Variants in CDC42BPA observed in about 807,000 individuals in gnomAD.
The protein encoded by CDC42BPA is CDC42 binding protein kinase alpha.
In CDC42BPA, 80 loss-of-function variants were observed where a neutral mutation model predicts 223.5. The ratio of observed to expected loss-of-function variants is 0.36; its 90% confidence interval spans 0.30 to 0.43. CDC42BPA has a LOEUF of 0.43. Among genes scored for constraint, CDC42BPA ranks in the 20% least tolerant of loss-of-function variants. CDC42BPA has a pLI of 1.00. For missense variants in CDC42BPA, 1,743 were observed against 2,099.9 expected (o/e 0.83, Z 3.32); for synonymous variants, 694 against 718.6 (o/e 0.97, Z 0.55).
intron 1 of CDC42BPA, among the ~76,000 whole-genome samples, chr1:227,267,437 A>G (rs74481035): frequency 0.026 from 4,009 of 152,254 alleles, 196 homozygotes; most frequent in African/African-American, 0.092. Context: ...TAAGCATTTA[A>G]AAAATGTACA....
intron 11 of CDC42BPA, among the ~76,000 whole-genome samples, chr1:227,126,500 GAA>G (rs1689645570): frequency 8.4e-6 from 1 of 119,000 alleles, no homozygotes; most frequent in Non-Finnish European, 1.9e-5. Context: ...AGGAAGGAAG[GAA>G]GGAAGGAAGG....
At chr1:227,237,037 G>A (rs1171979370) in intron 2 of CDC42BPA, among the ~76,000 whole-genome samples, 1 of 115,358 alleles carries the variant, frequency 8.7e-6, no homozygotes, top group African/African-American at 3.6e-5. Flanking sequence ...AATGAGACCC[G>A]GTCTCCACAA....
rs1160214591 is a variant in CDC42BPA, at chr1:226,993,352, A to T, written c.*916T>A. 2.0e-5 allele frequency: 3 copies of T among 152,240 alleles called. No individual in the cohort carries two copies. Among genetic ancestry groups the T allele is most frequent in the African/African-American group, 7.2e-5 (3 of 41,456 alleles). The allele number at this position is 152,240 out of a possible 1,614,324, so 9.4% of individuals were successfully genotyped here. A position where few individuals can be genotyped will look rare whatever the true frequency, so the allele number is the denominator to read the frequency against. ...TGAGAAGTGTTCAAATTCCACCACT[A>T]GGAAAAGAAACATCTTGGGTAGAGA... On this transcript the variant is annotated 3_prime_UTR_variant, in exon 37 of 37. Transcript: ENST00000366766.
chr1:227,135,187 T>C (rs1311363819), intron 10 of CDC42BPA, among the ~76,000 whole-genome samples: 2 of 152,132 alleles, frequency 1.3e-5, no homozygotes, highest in Non-Finnish European at 2.9e-5. Context: ...GGAGGATGTG[T>C]GGGGATGGTG....
rs1224992128 is a variant in CDC42BPA at position 227,143,040 on chromosome 1, A to G, written c.1144-16T>C. 2.0e-6 allele frequency: 3 copies of G among 1,494,908 alleles called. No individual in the cohort carries two copies. The African/African-American group carries it at 4.4e-5, about 22-fold the overall frequency. 92.6% of individuals were successfully genotyped at this position (1,494,908 alleles called of 1,614,324 possible). On this transcript the variant is annotated splice_polypyrimidine_tract_variant and intron_variant, in intron 8 of 36. Coordinates refer to ENST00000366766, the MANE Select transcript of CDC42BPA (RefSeq NM_001394014.1). ...GCATCGTTTCCTAAAGGAGGAAAAA[A>G]CATCTGGTAAGAAATAGATAGCTAT...
At chr1:227,314,963 T>C (rs892730341) in intron 1 of CDC42BPA, among the ~76,000 whole-genome samples, 5 of 152,032 alleles carry the variant, frequency 3.3e-5, no homozygotes, top group African/African-American at 1.2e-4. Context: ...TTTTCACATA[T>C]TGTTAAGTAA....
At chr1:227,057,733 T>C (rs942076341) in intron 21 of CDC42BPA, among the ~76,000 whole-genome samples, 1 of 152,190 alleles carries the variant, frequency 6.6e-6, no homozygotes, top group Non-Finnish European at 1.5e-5. Flanking sequence ...GTCAATAGAT[T>C]ATGGTTAATT....
chr1:227,103,544 C>T (rs1046298934), intron 14 of CDC42BPA, among the ~76,000 whole-genome samples: 3 of 151,852 alleles, frequency 2.0e-5, no homozygotes, highest in Non-Finnish European at 4.4e-5. Flanking sequence ...GTTTCTACTC[C>T]GTGGATAAGA....
chr1:227,018,900 A>G (rs980716067), intron 32 of CDC42BPA, among the ~76,000 whole-genome samples: 1 of 152,230 alleles, frequency 6.6e-6, no homozygotes, highest in African/African-American at 2.4e-5. Flanking sequence ...TTCATGAGTC[A>G]TATTCTTGTT....
chr1:227,165,587 T>G (rs139933513), intron 5 of CDC42BPA, among the ~76,000 whole-genome samples: 10 of 152,288 alleles, frequency 6.6e-5, no homozygotes, highest in African/African-American at 2.4e-4. Context: ...GTCTCAAAAA[T>G]GCAACCATTA....
At chr1:227,131,706 T>G (rs1192995821) in intron 10 of CDC42BPA, among the ~76,000 whole-genome samples, 1 of 152,210 alleles carries the variant, frequency 6.6e-6, no homozygotes, top group African/African-American at 2.4e-5. Context: ...AGGCTTACAA[T>G]ATTGTGGAAT....
At chr1:227,118,387 T>A (rs532276509) in intron 12 of CDC42BPA, among the ~76,000 whole-genome samples, 3 of 152,228 alleles carry the variant, frequency 2.0e-5, no homozygotes, top group East Asian at 1.9e-4. Flanking sequence ...CTATTTTTTT[T>A]AAAAGACAAA....
At chr1:227,194,421 T>C (rs548024635) in intron 4 of CDC42BPA, among the ~76,000 whole-genome samples, 1 of 152,322 alleles carries the variant, frequency 6.6e-6, no homozygotes, top group African/African-American at 2.4e-5. Flanking sequence ...AGCCTATAGA[T>C]CAGCATTTAG....
At chr1:227,198,123 ACT>A (rs753385130) in intron 4 of CDC42BPA, among the ~76,000 whole-genome samples, 1 of 146,840 alleles carries the variant, frequency 6.8e-6, no homozygotes, top group East Asian at 1.9e-4. Flanking sequence ...CTTGTCATGA[ACT>A]CTGTCATTTT....
intron 1 of CDC42BPA, among the ~76,000 whole-genome samples, chr1:227,301,134 A>T (rs559934872): frequency 1.3e-5 from 2 of 152,326 alleles, no homozygotes; most frequent in South Asian, 4.1e-4. Flanking sequence ...TTAGGAATCA[A>T]CTAAACTCCT....
At chr1:227,260,312 G>T (rs1683821420) in intron 1 of CDC42BPA, among the ~76,000 whole-genome samples, 1 of 151,126 alleles carries the variant, frequency 6.6e-6, no homozygotes. Flanking sequence ...ACTGCCTGGG[G>T]TTCATTGTTT....
At chr1:227,299,920 C>CA (rs1691324661) in intron 1 of CDC42BPA, among the ~76,000 whole-genome samples, 1 of 152,158 alleles carries the variant, frequency 6.6e-6, no homozygotes, top group Non-Finnish European at 1.5e-5. Flanking sequence ...ATAAAGACGT[C>CA]ATTCTCGTCC....
intron 2 of CDC42BPA, among the ~76,000 whole-genome samples, chr1:227,250,794 G>GT (rs1419614250): frequency 6.6e-6 from 1 of 151,908 alleles, no homozygotes; most frequent in Non-Finnish European, 1.5e-5. Context: ...CCTCACAACT[G>GT]TAATCCCAGC....
intron 17 of CDC42BPA, among the ~76,000 whole-genome samples, chr1:227,078,220 C>T (rs1358758017): frequency 6.6e-6 from 1 of 152,086 alleles, no homozygotes; most frequent in Non-Finnish European, 1.5e-5. Context: ...TGATTATTCC[C>T]ACCCTTCTTG....
Sources: gnomAD v4.1 joint callset for allele counts (sites outside exome capture counted in the v4.1 genomes callset) on GRCh38, gnomAD v4.1.1 for gene constraint, MANE v1.5 for transcripts, NCBI Gene and HGNC (gene_info 2026-07-23, HGNC 2026-07-21) for gene names.